The following KATNIP variants were observed in gnomAD, a reference collection of about 807,000 sequenced individuals.
The protein encoded by KATNIP is katanin-interacting protein.
In KATNIP, 126 loss-of-function variants were observed where a neutral mutation model predicts 174.0. The observed-to-expected ratio is 0.72, with a 90% CI of 0.63 to 0.84. The LOEUF (loss-of-function observed/expected upper bound fraction) is 0.84, where lower values mean the gene tolerates loss of function less well. Ranked by LOEUF, KATNIP falls within the 40% of genes least tolerant of loss-of-function variation. KATNIP has a pLI of 0.00. For synonymous variants in KATNIP, 810 were observed against 835.7 expected (o/e 0.97, Z 0.53); for missense variants, 1,958 against 2,109.7 (o/e 0.93, Z 1.41).
intron 8 of KATNIP, among the ~76,000 whole-genome samples, chr16:27,693,083 C>T (rs908691864): frequency 1.3e-5 from 2 of 152,178 alleles, no homozygotes; most frequent in East Asian, 1.9e-4. Flanking sequence ...AAGGAAGATA[C>T]TGGTGAGATC....
intron 2 of KATNIP, among the ~76,000 whole-genome samples, chr16:27,614,166 C>A (rs1187349941): frequency 6.6e-6 from 1 of 151,770 alleles, no homozygotes; most frequent in Non-Finnish European, 1.5e-5. Flanking sequence ...CAACCTCCAA[C>A]CCCCGGGTTC....
At chr16:27,625,044 T>C (rs2076294005) in intron 3 of KATNIP, among the ~76,000 whole-genome samples, 1 of 152,150 alleles carries the variant, frequency 6.6e-6, no homozygotes. Flanking sequence ...CGATTTTAGA[T>C]AGGGCAGGAG....
intron 13 of KATNIP, among the ~76,000 whole-genome samples, chr16:27,714,515 A>G (rs532736926): frequency 5.3e-5 from 8 of 152,298 alleles, no homozygotes; most frequent in Admixed American, 3.3e-4. Context: ...GAGAAAGTCA[A>G]TGAAATCAAA....
At chr16:27,764,060 G>A (rs2082046948) in intron 19 of KATNIP, among the ~76,000 whole-genome samples, 1 of 152,154 alleles carries the variant, frequency 6.6e-6, no homozygotes, top group Admixed American at 6.5e-5. Context: ...TCATGCTGGC[G>A]AAGTCCATTA....
Position 27,779,797 on chromosome 16 carries a change from T to C in KATNIP, c.*1168T>C, listed in dbSNP as rs2082627840. The C allele has an allele frequency of 6.6e-6, 1 of 152,234 alleles. No individual in the cohort carries two copies. Among genetic ancestry groups the C allele is most frequent in the African/African-American group, 2.4e-5 (1 of 41,422 alleles). 9.4% of individuals were successfully genotyped at this position (152,234 alleles called of 1,614,324 possible). ...AATTGGTTTCCCAGTAGTGGGTAAT[T>C]TCTCGTTGCAAATATTAATCCGTTG... On this transcript the variant is annotated 3_prime_UTR_variant, in exon 28 of 28. Coordinates refer to ENST00000261588, the MANE Select transcript of KATNIP (RefSeq NM_015202.5).
chr16:27,618,306 G>A (rs901501784), intron 2 of KATNIP, 119 bp from the exon 3 acceptor site: 8 of 735,304 alleles, frequency 1.1e-5, no homozygotes, highest in Admixed American at 2.0e-5. Flanking sequence ...GGGGTGTTGG[G>A]CCTTCGTCAA....
intron 1 of KATNIP, among the ~76,000 whole-genome samples, chr16:27,554,030 GAA>G (rs1323189202): frequency 4.0e-5 from 6 of 150,590 alleles, no homozygotes; most frequent in Non-Finnish European, 8.9e-5. Context: ...AGAGGAGAGA[GAA>G]AGGAAGGAGG....
intron 6 of KATNIP, among the ~76,000 whole-genome samples, chr16:27,672,487 A>G (rs1303913831): frequency 6.6e-6 from 1 of 152,148 alleles, no homozygotes; most frequent in Non-Finnish European, 1.5e-5. Flanking sequence ...GTATGCTCCT[A>G]TAAGGCCAGA....
chr16:27,610,234 G>A (rs2075850473), intron 2 of KATNIP, among the ~76,000 whole-genome samples: 1 of 152,136 alleles, frequency 6.6e-6, no homozygotes, highest in Non-Finnish European at 1.5e-5. Context: ...GGAGGCAAGA[G>A]CAGGAGTCCA....
intron 8 of KATNIP, among the ~76,000 whole-genome samples, chr16:27,686,506 G>A (rs908339821): frequency 1.3e-5 from 2 of 152,116 alleles, no homozygotes; most frequent in Non-Finnish European, 2.9e-5. Context: ...TAAGCAGCAC[G>A]TAATTGGTTT....
At chr16:27,628,476 GTGGCT>G (rs1290192455) in intron 3 of KATNIP, 180 bp from the exon 4 acceptor site, 1 of 605,120 alleles carries the variant, frequency 1.7e-6, no homozygotes, top group African/African-American at 1.9e-5. Context: ...TCTGCCCCTC[GTGGCT>G]TCTCTAAGTG....
chr16:27,590,912 A>C (rs1040107459), intron 2 of KATNIP, among the ~76,000 whole-genome samples: 7 of 152,158 alleles, frequency 4.6e-5, no homozygotes, highest in African/African-American at 1.7e-4. Context: ...TTTCCACTTT[A>C]GCCTCCCAAA....
Position 27,677,797 on chromosome 16 carries a change from G to C in KATNIP, c.609G>C (p.Glu203Asp), listed in dbSNP as rs760561406. Residue 203 changes from glutamate to aspartate, a missense_variant, in exon 7 of 28, where the codon GAG becomes GAC. This residue lies in a region of KATNIP where 1,557 missense variants were observed against 1,617.8 expected (regional missense o/e 0.96). Transcript: ENST00000261588. ...AACAAAAGGATTGTTCCAGCGATGA[G>C]TATGACTCTATTGAGGAAGACATAC... The part of the protein sequence containing the change: ...QRKQKDCSSD[E>D]YDSIEEDILS... 1.2e-6 allele frequency: 2 copies of C among 1,614,242 alleles called. No homozygotes were observed. Among genetic ancestry groups the C allele is most frequent in the South Asian group, 2.2e-5 (2 of 91,086 alleles).
At chr16:27,659,247 T>G (rs2077390998) in intron 6 of KATNIP, among the ~76,000 whole-genome samples, 2 of 152,152 alleles carry the variant, frequency 1.3e-5, no homozygotes, top group African/African-American at 4.8e-5. Flanking sequence ...GCTCAGTGAC[T>G]CATGCCTGTA....
intron 8 of KATNIP, among the ~76,000 whole-genome samples, chr16:27,690,315 CAGATAGATAGATAGATAGAT>C (rs3056270): frequency 3.1e-5 from 4 of 128,656 alleles, no homozygotes; most frequent in Non-Finnish European, 3.3e-5. Flanking sequence ...GACCCCATCT[CAGATAGATAGATAGATAGAT>C]AGATAGATAG....
intron 2 of KATNIP, among the ~76,000 whole-genome samples, chr16:27,577,416 G>C (rs573443436): frequency 6.6e-6 from 1 of 152,182 alleles, no homozygotes; most frequent in South Asian, 2.1e-4. Flanking sequence ...GTGAGGCCAG[G>C]CATGGTGGCT....
chr16:27,778,478 G>C (rs1208414078), intron 27 of KATNIP, 96 bp from the exon 28 acceptor site: 1 of 1,305,894 alleles, frequency 7.7e-7, no homozygotes, highest in East Asian at 2.4e-5. Flanking sequence ...GCCTTGAATG[G>C]CAACCCAGGC....
rs1377438763 is a variant in KATNIP, at chr16:27,769,947, C to A, written c.4062C>A (p.His1354Gln). ...FLIRKGPGNC[H>Q]FDFAQEILFV... ...TCCGGAAGGGGCCAGGCAACTGCCA[C>A]TTTGATTTTGCTCAAGAAATCCTCT... is the stretch of plus-strand genomic sequence containing the variant. The change falls in exon 21 of 28, where the codon CAC (histidine) becomes CAA (glutamine). Residue 1354 changes from histidine (H) to glutamine (Q), a missense_variant. By Grantham distance (24) the His-to-Gln change is conservative. Coordinates refer to ENST00000261588, the MANE Select transcript of KATNIP (RefSeq NM_015202.5). 6.2e-7 allele frequency: 1 copy of A among 1,614,140 alleles called. No homozygotes were observed. The highest frequency in any genetic ancestry group is 1.3e-5 in the African/African-American group (1 of 74,952).
chr16:27,686,892 T>G (rs2078544495), intron 8 of KATNIP, among the ~76,000 whole-genome samples: 1 of 152,356 alleles, frequency 6.6e-6, no homozygotes, highest in Non-Finnish European at 1.5e-5. Flanking sequence ...TTTCCCAACT[T>G]AAATACTGTT....
Sources: gnomAD v4.1 joint callset for allele counts (sites outside exome capture counted in the v4.1 genomes callset) on GRCh38, gnomAD v4.1.1 for gene constraint, gnomAD v4.1.1 regional missense constraint, MANE v1.5 for transcripts, NCBI Gene and HGNC (gene_info 2026-07-23, HGNC 2026-07-21) for gene names.